Variants in WSCD2 observed in about 807,000 individuals in gnomAD.
WSCD2 encodes the protein sialate:O-sulfotransferase 2.
Under a neutral mutation model 55.7 loss-of-function variants are expected in WSCD2, and 28 were observed. That is an observed-to-expected ratio of 0.50 (90% confidence interval 0.37 to 0.69). WSCD2 has a LOEUF of 0.69. Among genes scored for constraint, WSCD2 ranks in the 30% least tolerant of loss-of-function variants. The pLI, the probability that WSCD2 is intolerant of heterozygous loss-of-function variation, is 0.00. For synonymous variants in WSCD2, 301 were observed against 301.9 expected, an observed-to-expected ratio of 1.00 and a Z score of 0.03; for missense variants, 616 against 762.1, an observed-to-expected ratio of 0.81 and a Z score of 2.26.
intron 8 of WSCD2, among the ~76,000 whole-genome samples, chr12:108,243,901 A>G (rs1889923505): frequency 1.3e-5 from 2 of 152,176 alleles, no homozygotes; most frequent in African/African-American, 4.8e-5. Context: ...CCAGACTCCT[A>G]GAACCACCAC....
intron 5 of WSCD2, among the ~76,000 whole-genome samples, chr12:108,225,189 G>C (rs1304779395): frequency 6.6e-6 from 1 of 152,150 alleles, no homozygotes; most frequent in Non-Finnish European, 1.5e-5. Flanking sequence ...AGATTTAATG[G>C]ACTCACAGTT....
At chr12:108,205,224 T>C (rs1224317577) in intron 2 of WSCD2, among the ~76,000 whole-genome samples, 2 of 152,128 alleles carry the variant, frequency 1.3e-5, no homozygotes, top group Non-Finnish European at 2.9e-5. Flanking sequence ...TGAAACCAGA[T>C]TGCTTGGCTT....
chr12:108,209,428 C>G (rs1885834393), intron 3 of WSCD2, among the ~76,000 whole-genome samples: 1 of 152,022 alleles, frequency 6.6e-6, no homozygotes, highest in Non-Finnish European at 1.5e-5. Flanking sequence ...GGTTTCCAGA[C>G]AGGGAAAAGC....
At chr12:108,168,229 A>G (rs1375583947) in intron 1 of WSCD2, among the ~76,000 whole-genome samples, 1 of 152,232 alleles carries the variant, frequency 6.6e-6, no homozygotes, top group Non-Finnish European at 1.5e-5. Flanking sequence ...CTGGTTAGAC[A>G]GTAGGGCTCG....
intron 3 of WSCD2, among the ~76,000 whole-genome samples, chr12:108,206,643 G>A (rs1885417246): frequency 6.6e-6 from 1 of 152,240 alleles, no homozygotes; most frequent in Non-Finnish European, 1.5e-5. Flanking sequence ...GTCATATTGT[G>A]TCTAGGAACA....
intron 1 of WSCD2, among the ~76,000 whole-genome samples, chr12:108,176,526 G>A (rs12302497): frequency 4.4e-4 from 67 of 152,312 alleles, no homozygotes; most frequent in African/African-American, 1.3e-3. Flanking sequence ...GTAGTACTCC[G>A]TTGTATGGAG....
At chr12:108,133,035 G>A (rs1875777608) in intron 1 of WSCD2, among the ~76,000 whole-genome samples, 1 of 152,164 alleles carries the variant, frequency 6.6e-6, no homozygotes, top group Non-Finnish European at 1.5e-5. Flanking sequence ...GTTAGCATGT[G>A]CATTTGATTG....
At chr12:108,152,960 C>T (rs1248607915) in intron 1 of WSCD2, among the ~76,000 whole-genome samples, 1 of 152,062 alleles carries the variant, frequency 6.6e-6, no homozygotes, top group Non-Finnish European at 1.5e-5. Flanking sequence ...AAAAATTAGC[C>T]AGGTGTGGTG....
At chr12:108,240,226 C>A in intron 7 of WSCD2, 118 bp from the exon 8 acceptor site, 1 of 1,283,972 alleles carries the variant, frequency 7.8e-7, no homozygotes, top group Non-Finnish European at 1.1e-6. Flanking sequence ...TCAATAAATA[C>A]GCGAATGACT....
chr12:108,147,981 T>A (rs1877579402), intron 1 of WSCD2, among the ~76,000 whole-genome samples: 1 of 152,250 alleles, frequency 6.6e-6, no homozygotes, highest in South Asian at 2.1e-4. Context: ...TGGCCTCTTC[T>A]ACCACAGCTC....
rs555255601 is a variant in WSCD2, at chr12:108,158,287, T to C, written c.-552+28361T>C. ...TGATAGCAGCCACAAACGGAGAGAGTAGGAGAGGTTCAAGTTCAGAGCACA... is the reference window on the plus strand; with the variant it reads ...TGATAGCAGCCACAAACGGAGAGAGCAGGAGAGGTTCAAGTTCAGAGCACA... On this transcript the variant is annotated intron_variant, in intron 1 of 8. Transcript: ENST00000547525. Among the ~76,000 whole-genome samples, 5 of 151,088 alleles carry C rather than the reference T, an allele frequency of 3.3e-5. No homozygotes were observed. The South Asian group carries it at 1.1e-3, about 32-fold the overall frequency.
chr12:108,241,276 G>A (rs1484814547), intron 8 of WSCD2, among the ~76,000 whole-genome samples: 1 of 152,214 alleles, frequency 6.6e-6, no homozygotes, highest in Non-Finnish European at 1.5e-5. Context: ...AGGTGACAGA[G>A]GGCTGTGTGG....
intron 7 of WSCD2, among the ~76,000 whole-genome samples, chr12:108,235,649 A>G (rs1814099614): frequency 6.6e-6 from 1 of 152,222 alleles, no homozygotes; most frequent in African/African-American, 2.4e-5. Flanking sequence ...TTTAAAAGAA[A>G]AAAAAGAAAA....
In WSCD2 at chr12:108,210,065, C is replaced by G; in HGVS notation, c.498-56C>G. ...CCCCCAGGTCTCCATGTTGTGTCTC[C>G]CTGCCTCGGGGTCTCCATGGTGGCA... On this transcript the variant is annotated intron_variant, in intron 3 of 8. Coordinates refer to ENST00000547525, the MANE Select transcript of WSCD2 (RefSeq NM_014653.4). The surrounding 1 kb of genome is among the most constrained non-coding windows in gnomAD (Gnocchi z 4.3). 6.2e-7 allele frequency: 1 copy of G among 1,610,180 alleles called. No individual in the cohort carries two copies. The highest frequency in any genetic ancestry group is 1.7e-5 in the Admixed American group (1 of 59,860).
Position 108,195,629 on chromosome 12 carries a change from T to A in WSCD2, c.-204T>A. 1 of 698,928 alleles carries A rather than the reference T, an allele frequency of 1.4e-6. No individual in the cohort carries two copies. The highest frequency in any genetic ancestry group is 2.3e-5 in the South Asian group (1 of 44,068). The allele number at this position is 698,928 out of a possible 1,614,324, so 43.3% of individuals were successfully genotyped here. On this transcript the variant is annotated 5_prime_UTR_variant, in exon 2 of 9. It removes the in-frame stop codon of an upstream open reading frame in the 5' UTR. Coordinates refer to ENST00000547525, the MANE Select transcript of WSCD2 (RefSeq NM_014653.4). ...CTCACCTTCAGTTTGGGAGGGCTGG[T>A]AAGCTCCATCCTTTCTCATGGCCTC... is the stretch of plus-strand genomic sequence containing the variant.
intron 2 of WSCD2, among the ~76,000 whole-genome samples, chr12:108,198,642 C>T (rs911173627): frequency 1.3e-5 from 2 of 152,298 alleles, no homozygotes; most frequent in Non-Finnish European, 1.5e-5. Context: ...TGTCTATTTG[C>T]TTTTCATGTA....
chr12:108,186,715 G>C (rs1468721700), intron 1 of WSCD2, among the ~76,000 whole-genome samples: 1 of 152,082 alleles, frequency 6.6e-6, no homozygotes, highest in Non-Finnish European at 1.5e-5. Context: ...TACTCCTTTG[G>C]GTAAATTCCC....
intron 4 of WSCD2, among the ~76,000 whole-genome samples, chr12:108,211,630 C>T (rs926606354): frequency 7.2e-6 from 1 of 138,550 alleles, no homozygotes; most frequent in African/African-American, 2.7e-5. Context: ...TTTCAAATCC[C>T]ATATATATAT....
At chr12:108,169,873 G>A (rs1880050234) in intron 1 of WSCD2, among the ~76,000 whole-genome samples, 2 of 152,136 alleles carry the variant, frequency 1.3e-5, no homozygotes, top group African/African-American at 4.8e-5. Flanking sequence ...TGTTGGCAGT[G>A]TTGATATAAC....
Sources: allele counts gnomAD v4.1 joint callset (sites outside exome capture counted in the v4.1 genomes callset), GRCh38; gene constraint gnomAD v4.1.1; non-coding constraint Gnocchi (gnomAD v3.1); transcripts MANE v1.5; gene names NCBI Gene and HGNC (gene_info 2026-07-23, HGNC 2026-07-21).